ALKBH8: variants seen among roughly 807,000 people sequenced by gnomAD.
ALKBH8 encodes alkB homolog 8, tRNA methyltransferase, also known as tRNA (carboxymethyluridine(34)-5-O)-methyltransferase ALKBH8.
In ALKBH8, 36 loss-of-function variants were observed where a neutral mutation model predicts 59.8. The ratio of observed to expected loss-of-function variants is 0.60; its 90% confidence interval spans 0.46 to 0.79. The LOEUF is 0.79. Ranked by LOEUF, ALKBH8 falls within the 30% of genes least tolerant of loss-of-function variation. The pLI, the probability that ALKBH8 is intolerant of heterozygous loss-of-function variation, is 0.00. For missense variants in ALKBH8, 768 were observed against 801.0 expected (o/e 0.96, Z 0.50); for synonymous variants, 276 against 273.6 (o/e 1.01, Z -0.09).
At chr11:107,539,369 G>A (rs1005787075) in intron 7 of ALKBH8, among the ~76,000 whole-genome samples, 4 of 152,186 alleles carry the variant, frequency 2.6e-5, no homozygotes, top group East Asian at 1.9e-4. Flanking sequence ...GGAGGCCAAG[G>A]TGGGCAGATT....
chr11:107,543,140 C>A (rs1461873640), intron 7 of ALKBH8, among the ~76,000 whole-genome samples: 2 of 152,084 alleles, frequency 1.3e-5, no homozygotes, highest in African/African-American at 2.4e-5. Flanking sequence ...AGTTCAAGAC[C>A]AGCCTGGCCA....
At chr11:107,530,600 A>AC (rs1863549727) in intron 8 of ALKBH8, among the ~76,000 whole-genome samples, 1 of 132,102 alleles carries the variant, frequency 7.6e-6, no homozygotes, top group Non-Finnish European at 1.6e-5. Flanking sequence ...CTCTCTTCCT[A>AC]ACACACACAC....
At chr11:107,514,005 C>T (rs1277365641) in intron 10 of ALKBH8, among the ~76,000 whole-genome samples, 3 of 151,936 alleles carry the variant, frequency 2.0e-5, no homozygotes, top group African/African-American at 7.3e-5. Context: ...TACAATTTAC[C>T]TATATAACAA....
chr11:107,561,190 G>A (rs1488580316), intron 1 of ALKBH8, among the ~76,000 whole-genome samples: 1 of 152,046 alleles, frequency 6.6e-6, no homozygotes, highest in African/African-American at 2.4e-5. Context: ...TACTTATGAG[G>A]TCCTAAGTAA....
chr11:107,537,795 A>T (rs934651216), intron 7 of ALKBH8, among the ~76,000 whole-genome samples: 1 of 152,218 alleles, frequency 6.6e-6, no homozygotes, highest in African/African-American at 2.4e-5. Flanking sequence ...GTGTCACACA[A>T]TATGAAGACA....
At chr11:107,528,613 A>T (rs1863449455) in intron 8 of ALKBH8, among the ~76,000 whole-genome samples, 1 of 152,168 alleles carries the variant, frequency 6.6e-6, no homozygotes, top group Non-Finnish European at 1.5e-5. Flanking sequence ...ATTCTCTATT[A>T]TGGTTCTTTT....
At chr11:107,518,803 C>T (rs534705794) in intron 10 of ALKBH8, among the ~76,000 whole-genome samples, 28 of 25,502 alleles carry the variant, frequency 1.1e-3, no homozygotes, top group African/African-American at 6.8e-3. Flanking sequence ...TTAATAAATA[C>T]GTGGGTAAAT....
At chr11:107,511,635 G>A (rs1591247700) in intron 10 of ALKBH8, among the ~76,000 whole-genome samples, 1 of 152,040 alleles carries the variant, frequency 6.6e-6, no homozygotes, top group Non-Finnish European at 1.5e-5. Flanking sequence ...GGAGTGCAAT[G>A]GCGTGATCTC....
chr11:107,505,209 T>C lies in ALKBH8; in HGVS notation c.1444A>G (p.Arg482Gly). ...VIHHFATAERRVAALQEIVRL... is the reference protein window; with the variant it reads ...VIHHFATAERGVAALQEIVRL... ...ACAATTTCTTGGAGAGCTGCCACTC[T>C]ACGCTCCTAATGAAAAAAAACAAAA... The change falls in exon 12 of 12, where the codon AGA becomes GGA. Residue 482 changes from arginine to glycine, a missense_variant. Arg to Gly is a moderately radical substitution (Grantham distance 125, BLOSUM62 -2). Coordinates refer to ENST00000428149, the MANE Select transcript of ALKBH8 (RefSeq NM_138775.3). The C allele has an allele frequency of 6.5e-7, 1 of 1,534,182 alleles. No homozygotes were observed. Among genetic ancestry groups the C allele is most frequent in the Non-Finnish European group, 8.8e-7 (1 of 1,139,008 alleles).
At chr11:107,514,244 T>C (rs1862763496) in intron 10 of ALKBH8, among the ~76,000 whole-genome samples, 1 of 152,098 alleles carries the variant, frequency 6.6e-6, no homozygotes, top group Non-Finnish European at 1.5e-5. Context: ...ATTAATTCCT[T>C]AGAGGAAGAA....
chr11:107,509,872 T>C (rs934078607), intron 11 of ALKBH8, among the ~76,000 whole-genome samples: 3 of 152,238 alleles, frequency 2.0e-5, no homozygotes, highest in Non-Finnish European at 1.5e-5. Flanking sequence ...TTTGTGTACA[T>C]TATTGTCTTT....
intron 3 of ALKBH8, among the ~76,000 whole-genome samples, chr11:107,556,284 G>A (rs564188536): frequency 0.014 from 2,030 of 143,344 alleles, 39 homozygotes; most frequent in African/African-American, 0.054. Context: ...GTCTCAAAAA[G>A]CAAAAAAATA....
chr11:107,522,390 T>G lies in ALKBH8; in HGVS notation c.1196A>C (p.Glu399Ala). 6.4e-7 allele frequency: 1 copy of G among 1,551,674 alleles called. No individual in the cohort carries two copies. The highest frequency in any genetic ancestry group is 8.7e-7 in the Non-Finnish European group (1 of 1,146,982). Residue 399 changes from glutamate (E) to alanine (A), a missense_variant, in exon 10 of 12, where the codon GAG becomes GCG. By Grantham distance (107) the Glu-to-Ala change is moderately radical. Transcript: ENST00000428149. ...ACCACTTGGCAAAGCCTTCAAAAAC[T>G]CCACAATGTGCGGCCAAGGGGTATG... Reference protein sequence around the residue: ...TRHTPWPHIVEFLKALPSGSI... With the variant: ...TRHTPWPHIVAFLKALPSGSI...
chr11:107,532,235 G>A, intron 8 of ALKBH8, 65 bp downstream of exon 8: 1 of 1,367,838 alleles, frequency 7.3e-7, no homozygotes, highest in Non-Finnish European at 1.0e-6. Context: ...GGTCCCCGTG[G>A]CTCAAACACA....
At position 107,525,537 on chromosome 11, in the gene ALKBH8, T is replaced by C; in HGVS notation, c.934A>G (p.Ile312Val). The C allele has an allele frequency of 6.5e-7, 1 of 1,532,564 alleles. No individual in the cohort carries two copies. Among genetic ancestry groups the C allele is most frequent in the Non-Finnish European group, 8.8e-7 (1 of 1,139,606 alleles). The allele number at this position is 1,532,564 out of a possible 1,614,324, so 94.9% of individuals were successfully genotyped here. Residue 312 changes from isoleucine to valine, a missense_variant, in exon 9 of 12, where the codon ATT (isoleucine) becomes GTT (valine). Ile to Val is a conservative substitution (Grantham distance 29). Coordinates refer to ENST00000428149, the MANE Select transcript of ALKBH8 (RefSeq NM_138775.3). The stretch of plus-strand genomic sequence containing the variant: ...AAGTCTCCAACATCACTGGTGATAA[T>C]TCCACTTTTAAGACTCTCAGATGCT... Reference protein sequence around the residue: ...VQASESLKSGIITSDVGDLTL... With the variant: ...VQASESLKSGVITSDVGDLTL...
chr11:107,537,719 CA>C (rs11290722), intron 7 of ALKBH8, among the ~76,000 whole-genome samples: 110,285 of 142,654 alleles, frequency 0.77, 42,116 homozygotes, highest in South Asian at 0.85. Context: ...AAGTTGAAGA[CA>C]AAAAAAAAAA....
chr11:107,541,682 T>G (rs1864041169), intron 7 of ALKBH8, among the ~76,000 whole-genome samples: 1 of 152,142 alleles, frequency 6.6e-6, no homozygotes, highest in Admixed American at 6.5e-5. Context: ...GAGCTTTCTA[T>G]AAATGTAGAA....
chr11:107,549,603 G>C, intron 7 of ALKBH8, 150 bp downstream of exon 7: 2 of 481,564 alleles, frequency 4.2e-6, no homozygotes, highest in Non-Finnish European at 7.0e-6. Flanking sequence ...TAAAAGAAGA[G>C]GACATTTAAA....
intron 3 of ALKBH8, 110 bp downstream of exon 3, chr11:107,556,656 C>T (rs1864725069): frequency 1.4e-6 from 1 of 713,076 alleles, no homozygotes; most frequent in Admixed American, 3.6e-5. Context: ...AAAGGAGCTG[C>T]TAACCTGCTT....
Sources: allele counts gnomAD v4.1 joint callset (sites outside exome capture counted in the v4.1 genomes callset), GRCh38; gene constraint gnomAD v4.1.1; transcripts MANE v1.5; gene names NCBI Gene and HGNC (gene_info 2026-07-23, HGNC 2026-07-21).